Variants in FRMPD1 observed in about 807,000 individuals in gnomAD.
FRMPD1 encodes FERM and PDZ domain containing 1.
In FRMPD1, 76 loss-of-function variants were observed where a neutral mutation model predicts 117.8. That is an observed-to-expected ratio of 0.65 (90% confidence interval 0.54 to 0.78). The LOEUF is 0.78. FRMPD1 is among the 30% of genes least tolerant of loss of function. The probability of loss-of-function intolerance (pLI) is 0.00; values close to 1 mark genes in which losing one functional copy is unlikely to be tolerated. For missense variants in FRMPD1, 1,786 were observed against 1,964.5 expected (o/e 0.91, Z 1.72); for synonymous variants, 783 against 770.4 (o/e 1.02, Z -0.27).
chr9:37,626,316 G>A, the FRMPD1 span, among the ~76,000 whole-genome samples: 7 of 151,204 alleles, frequency 4.6e-5, no homozygotes, highest in Admixed American at 6.6e-5. Flanking sequence ...GCGACAGAGC[G>A]AGACTCCATC....
intron 5 of FRMPD1, among the ~76,000 whole-genome samples, chr9:37,717,138 A>G (rs1823152966): frequency 6.6e-6 from 1 of 152,078 alleles, no homozygotes; most frequent in Admixed American, 6.6e-5. Flanking sequence ...GAATACTACT[A>G]TATCCATAGA....
the FRMPD1 span, among the ~76,000 whole-genome samples, chr9:37,641,670 C>A: frequency 6.6e-6 from 1 of 152,082 alleles, no homozygotes; most frequent in Non-Finnish European, 1.5e-5. Context: ...CTAGATCATC[C>A]CTCCCTCTCC....
chr9:37,645,834 T>C, the FRMPD1 span, among the ~76,000 whole-genome samples: 1 of 152,260 alleles, frequency 6.6e-6, no homozygotes, highest in East Asian at 1.9e-4. Flanking sequence ...CAATTTCTTT[T>C]GCCAACAGCA....
At chr9:37,689,556 C>G (rs545321536) in intron 1 of FRMPD1, among the ~76,000 whole-genome samples, 3 of 152,244 alleles carry the variant, frequency 2.0e-5, no homozygotes, top group Non-Finnish European at 2.9e-5. Flanking sequence ...GTCTTTTATA[C>G]AGGTGTTACC....
Position 37,735,550 on chromosome 9 carries a change from A to G in FRMPD1, c.1219-2A>G. 6.2e-7 allele frequency: 1 copy of G among 1,609,062 alleles called. No homozygotes were observed. Among genetic ancestry groups the G allele is most frequent in the Non-Finnish European group, 8.5e-7 (1 of 1,175,584 alleles). The stretch of plus-strand genomic sequence containing the variant: ...GACTAATTCCCCTTCCACCCTCTGC[A>G]GTTACAGGATAGAGAATCCTACATT... On this transcript the variant is annotated splice_acceptor_variant, in intron 12 of 15. Coordinates refer to ENST00000377765, the MANE Select transcript of FRMPD1 (RefSeq NM_014907.3). LOFTEE classifies it high-confidence loss of function.
At chr9:37,733,382 A>T (rs1041895719) in intron 10 of FRMPD1, 91 bp from the exon 11 acceptor site, 2 of 1,257,174 alleles carry the variant, frequency 1.6e-6, no homozygotes, top group Admixed American at 2.2e-5. Context: ...TTATGGGAAC[A>T]CTAAGTACTG....
chr9:37,660,626 G>A (rs1017505248), intron 1 of FRMPD1, among the ~76,000 whole-genome samples: 1 of 152,210 alleles, frequency 6.6e-6, no homozygotes, highest in African/African-American at 2.4e-5. Flanking sequence ...GACAAGGCTT[G>A]TTTGGTATAG....
chr9:37,623,965 T>A, the FRMPD1 span, among the ~76,000 whole-genome samples: 1 of 152,162 alleles, frequency 6.6e-6, no homozygotes, highest in Non-Finnish European at 1.5e-5. Context: ...ATTAGGGTGA[T>A]GTGGGAGAGG....
chr9:37,709,154 G>A (rs1283162787), intron 4 of FRMPD1, among the ~76,000 whole-genome samples: 1 of 152,066 alleles, frequency 6.6e-6, no homozygotes, highest in Non-Finnish European at 1.5e-5. Context: ...GAGTGAAGAG[G>A]ACAAGCAGAC....
At chr9:37,718,221 C>G (rs536373640) in intron 5 of FRMPD1, among the ~76,000 whole-genome samples, 1 of 152,268 alleles carries the variant, frequency 6.6e-6, no homozygotes, top group African/African-American at 2.4e-5. Context: ...AACAGTTTCC[C>G]TGATTGTTGT....
intron 7 of FRMPD1, among the ~76,000 whole-genome samples, chr9:37,727,626 C>CA (rs1823667987): frequency 1.3e-5 from 2 of 152,098 alleles, no homozygotes; most frequent in African/African-American, 2.4e-5. Flanking sequence ...AGCACAATGC[C>CA]AGGCACACAG....
chr9:37,656,433 C>T (rs1820846643), intron 1 of FRMPD1, among the ~76,000 whole-genome samples: 1 of 152,120 alleles, frequency 6.6e-6, no homozygotes, highest in African/African-American at 2.4e-5. Context: ...AAGCTTTTGA[C>T]AATCATTCTT....
chr9:37,731,891 A>AT (rs928868864), intron 9 of FRMPD1, among the ~76,000 whole-genome samples: 9 of 152,106 alleles, frequency 5.9e-5, no homozygotes, highest in African/African-American at 2.2e-4. Context: ...AAAAAAAAAA[A>AT]GAAAAAGAAT....
At chr9:37,663,292 G>GCTGA (rs1474671015) in intron 1 of FRMPD1, among the ~76,000 whole-genome samples, 1 of 152,160 alleles carries the variant, frequency 6.6e-6, no homozygotes, top group African/African-American at 2.4e-5. Flanking sequence ...ATAGATGGAT[G>GCTGA]CTGAAGATGG....
intron 1 of FRMPD1, among the ~76,000 whole-genome samples, chr9:37,685,519 G>T (rs1821900586): frequency 6.6e-6 from 1 of 152,088 alleles, no homozygotes; most frequent in African/African-American, 2.4e-5. Context: ...GGGCGTGGTG[G>T]CGGGCGCCTG....
chr9:37,618,349 A>C, the FRMPD1 span, among the ~76,000 whole-genome samples: 1 of 152,116 alleles, frequency 6.6e-6, no homozygotes, highest in Non-Finnish European at 1.5e-5. Context: ...AATAGGTGAC[A>C]CTCAGCCCCT....
the FRMPD1 span, among the ~76,000 whole-genome samples, chr9:37,612,661 T>C: frequency 6.6e-6 from 1 of 152,048 alleles, no homozygotes; most frequent in Non-Finnish European, 1.5e-5. Flanking sequence ...TGGGATAATT[T>C]TTGTATTTTT....
intron 1 of FRMPD1, among the ~76,000 whole-genome samples, chr9:37,678,816 C>G (rs1259472061): frequency 6.6e-6 from 1 of 152,260 alleles, no homozygotes; most frequent in Admixed American, 6.5e-5. Context: ...CATCAAAACA[C>G]TTTCCAGGAA....
chr9:37,730,631 A>G (rs1823827739), intron 8 of FRMPD1, among the ~76,000 whole-genome samples: 1 of 152,214 alleles, frequency 6.6e-6, no homozygotes, highest in African/African-American at 2.4e-5. Flanking sequence ...TGGTATGTAT[A>G]CTATATTATT....
Sources: gnomAD v4.1 joint callset for allele counts (sites outside exome capture counted in the v4.1 genomes callset) on GRCh38, gnomAD v4.1.1 for gene constraint, MANE v1.5 for transcripts, NCBI Gene and HGNC (gene_info 2026-07-23, HGNC 2026-07-21) for gene names.